Variants in PTAR1 observed in about 807,000 individuals in gnomAD.
The protein encoded by PTAR1 is protein prenyltransferase alpha subunit repeat-containing protein 1.
In PTAR1, 17 loss-of-function variants were observed where a neutral mutation model predicts 45.5. The ratio of observed to expected loss-of-function variants is 0.37; its 90% CI spans 0.26 to 0.56. The LOEUF is 0.56. PTAR1 is among the 20% of genes least tolerant of loss of function. PTAR1 has a pLI of 0.77. For missense variants in PTAR1, 391 were observed against 476.3 expected (o/e 0.82, Z 1.67); for synonymous variants, 169 against 171.3 (o/e 0.99, Z 0.11).
At chr9:69,751,650 G>T (rs1437235482) in intron 1 of PTAR1, among the ~76,000 whole-genome samples, 1 of 151,914 alleles carries the variant, frequency 6.6e-6, no homozygotes, top group Admixed American at 6.6e-5. Context: ...GTCAACAAAT[G>T]TGTTTATGCT....
intron 2 of PTAR1, among the ~76,000 whole-genome samples, chr9:69,748,821 A>G (rs774937546): frequency 3.3e-5 from 5 of 152,080 alleles, no homozygotes; most frequent in Admixed American, 2.6e-4. Context: ...TTATTTTCAG[A>G]TATCTTTTTC....
intron 5 of PTAR1, among the ~76,000 whole-genome samples, chr9:69,727,375 G>C (rs968857330): frequency 6.6e-6 from 1 of 151,908 alleles, no homozygotes; most frequent in African/African-American, 2.4e-5. Flanking sequence ...AGTTCAACTT[G>C]TTTAGAGTCC....
chr9:69,734,220 T>C lies in PTAR1; in HGVS notation c.358A>G (p.Ile120Val), dbSNP rs1259912871. 1.1e-5 allele frequency: 17 copies of C among 1,554,052 alleles called. No homozygotes were observed. The highest frequency in any genetic ancestry group is 1.5e-5 in the Non-Finnish European group (17 of 1,140,252). The change falls in exon 4 of 8, where the codon ATT becomes GTT. Residue 120 changes from isoleucine (I) to valine (V), a missense_variant. Coordinates refer to ENST00000340434, the MANE Select transcript of PTAR1 (RefSeq NM_001099666.2). ...AGTTTTCCCAGATGTAAATCCTTAA[T>C]TGGATTTAAAGTGCCAGAGAGGATC... Reference protein sequence around the residue: ...ELILSGTLNPIKDLHLGKLAL... With the variant: ...ELILSGTLNPVKDLHLGKLAL...
intron 3 of PTAR1, 28 bp from the exon 4 acceptor site, chr9:69,734,282 AAAAT>A: frequency 2.8e-6 from 3 of 1,090,752 alleles, no homozygotes; most frequent in East Asian, 2.6e-5. Flanking sequence ...AAAAAAAAAA[AAAAT>A]TAAACATTAC....
Position 69,750,839 on chromosome 9 carries a change from T to G in PTAR1, c.198A>C (p.Pro66=). Residue 66 remains proline, a synonymous_variant, in exon 2 of 8, where the codon CCA becomes CCC. Transcript: ENST00000340434. ...VESWCVKFLL[P]YVHNKLLLYR... ...ACAAAAGGAGCTTGTTGTGGACATA[T>G]GGTAAAAGGAACTTGACACACCAGC... The G allele has an allele frequency of 6.2e-7, 1 of 1,611,672 alleles. No homozygotes were observed. Among genetic ancestry groups the G allele is most frequent in the East Asian group, 2.2e-5 (1 of 44,840 alleles).
chr9:69,759,802 C>A, intron 1 of PTAR1, 51 bp downstream of exon 1: 6 of 1,324,612 alleles, frequency 4.5e-6, no homozygotes, highest in Non-Finnish European at 6.1e-6. Context: ...CTTGGCCCCG[C>A]CCCCGCCCGC....
At chr9:69,750,156 G>A (rs1363429323) in intron 2 of PTAR1, among the ~76,000 whole-genome samples, 1 of 151,832 alleles carries the variant, frequency 6.6e-6, no homozygotes, top group Non-Finnish European at 1.5e-5. Context: ...CAGATGGAAT[G>A]ATTAGGGATT....
rs369090916 is a variant in PTAR1 at position 69,747,214 on chromosome 9, C to T, written c.256+3567G>A. 2.6e-5 allele frequency among the ~76,000 whole-genome samples: 4 copies of T among 152,208 alleles called. No homozygotes were observed. In the East Asian group the frequency reaches 5.8e-4, roughly 22 times the overall value. On this transcript the variant is annotated intron_variant, in intron 2 of 7. Coordinates refer to ENST00000340434, the MANE Select transcript of PTAR1 (RefSeq NM_001099666.2). Reference sequence around the variant, plus strand: ...CCAGCCAGGAAAAAGGTTGTTTAATCAGCTAAAATACAGTGTGACAAGTGA... The same window carrying T: ...CCAGCCAGGAAAAAGGTTGTTTAATTAGCTAAAATACAGTGTGACAAGTGA...
intron 2 of PTAR1, among the ~76,000 whole-genome samples, chr9:69,743,446 AT>A (rs1347200676): frequency 6.6e-6 from 1 of 152,186 alleles, no homozygotes; most frequent in Non-Finnish European, 1.5e-5. Flanking sequence ...AAAATCAATT[AT>A]TTTATTCTAT....
At position 69,752,533 on chromosome 9, in the gene PTAR1, G is replaced by A. The variant is rs143177842; in HGVS notation, c.87-1583C>T. 2.3e-3 allele frequency among the ~76,000 whole-genome samples: 343 copies of A among 152,102 alleles called. 5 individuals are homozygous for A. Among genetic ancestry groups the A allele is most frequent in the African/African-American group, 7.7e-3 (321 of 41,542 alleles). On this transcript the variant is annotated intron_variant, in intron 1 of 7. Transcript: ENST00000340434. Reference sequence around the variant, plus strand: ...GGTTTTTATCCTTACAATTGGTTCCGTTGACTCAAAGGTGTTTTGATATAC... The same window carrying A: ...GGTTTTTATCCTTACAATTGGTTCCATTGACTCAAAGGTGTTTTGATATAC...
At chr9:69,744,358 T>C (rs1283867135) in intron 2 of PTAR1, among the ~76,000 whole-genome samples, 4 of 151,192 alleles carry the variant, frequency 2.6e-5, no homozygotes, top group Non-Finnish European at 4.4e-5. Context: ...CTAACCTACC[T>C]AGTTGGAAAA....
chr9:69,732,595 T>C (rs1825591421), intron 4 of PTAR1, among the ~76,000 whole-genome samples: 1 of 151,904 alleles, frequency 6.6e-6, no homozygotes, highest in African/African-American at 2.4e-5. Flanking sequence ...CTTTAAAATC[T>C]GTAATACAGA....
rs1446176615 is a variant in PTAR1, at chr9:69,714,962, A to T, written c.*3380T>A. On this transcript the variant is annotated 3_prime_UTR_variant, in exon 8 of 8. Transcript: ENST00000340434. ...GAGAAGCATAAAATGATATGTGCAC[A>T]GGTACAGATCAGTAAGTCACTGAAA... is the stretch of plus-strand genomic sequence containing the variant. 6.6e-6 allele frequency: 1 copy of T among 152,122 alleles called. No homozygotes were observed. The highest frequency in any genetic ancestry group is 1.5e-5 in the Non-Finnish European group (1 of 68,008). 9.4% of individuals were successfully genotyped at this position (152,122 alleles called of 1,614,324 possible).
intron 3 of PTAR1, among the ~76,000 whole-genome samples, chr9:69,736,513 C>T (rs1854685): frequency 0.41 from 62,232 of 151,926 alleles, 13,065 homozygotes; most frequent in East Asian, 0.49. Flanking sequence ...GCCAAGATCG[C>T]GCCACTGCAC....
In PTAR1 at chr9:69,732,074, G is replaced by A. The variant is rs144429136; in HGVS notation, c.642+65C>T. The stretch of plus-strand genomic sequence containing the variant: ...ACTCCTTCAAAGCTCTTCTGAGAAT[G>A]AACTACTACCAGAAGATTTTAAGGG... On this transcript the variant is annotated intron_variant, in intron 5 of 7. Coordinates refer to ENST00000340434, the MANE Select transcript of PTAR1 (RefSeq NM_001099666.2). 2.2e-3 allele frequency: 2,516 copies of A among 1,151,710 alleles called. 38 individuals carry two copies. In the African/African-American group the frequency reaches 0.035, roughly 16 times the overall value. 71.3% of individuals were successfully genotyped at this position (1,151,710 alleles called of 1,614,324 possible).
Position 69,747,585 on chromosome 9 carries a change from ACT to A in PTAR1, c.256+3194_256+3195del, listed in dbSNP as rs1377821535. On this transcript the variant is annotated intron_variant, in intron 2 of 7. Transcript: ENST00000340434. The stretch of plus-strand genomic sequence containing the variant: ...AATTTGACAAGAAGTATCAACTAAC[ACT>A]CTGCCGCAGTGTCTCAAGAGCTTGA... Among the ~76,000 whole-genome samples, 4 of 152,192 alleles carry A rather than the reference ACT, an allele frequency of 2.6e-5. No homozygotes were observed. The East Asian group carries it at 5.8e-4, about 22-fold the overall frequency.
intron 2 of PTAR1, 74 bp downstream of exon 2, chr9:69,750,707 C>G: frequency 9.4e-7 from 1 of 1,061,278 alleles, no homozygotes; most frequent in Non-Finnish European, 1.3e-6. Context: ...TGCTGACACT[C>G]AGAGAAGGGC....
At chr9:69,741,558 C>T (rs2134137615) in intron 3 of PTAR1, 1 of 496,230 alleles carries the variant, frequency 2.0e-6, no homozygotes, top group South Asian at 2.7e-5. Context: ...ATGTATCAAA[C>T]AGTATACTGT....
Position 69,759,991 on chromosome 9 carries a change from G to A in PTAR1, c.-53C>T, listed in dbSNP as rs1252751608. On this transcript the variant is annotated 5_prime_UTR_variant, in exon 1 of 8. Coordinates refer to ENST00000340434, the MANE Select transcript of PTAR1 (RefSeq NM_001099666.2). ...GCGCCTCCGCGTGAGCCGGGCCGCC[G>A]GCGGGAGTTCCGCGGAGAACGAGCG... The A allele has an allele frequency of 2.9e-6, 4 of 1,395,128 alleles. No individual in the cohort carries two copies. Among genetic ancestry groups the A allele is most frequent in the Non-Finnish European group, 3.8e-6 (4 of 1,062,806 alleles). The allele number at this position is 1,395,128 out of a possible 1,614,324, so 86.4% of individuals were successfully genotyped here.
Sources: gnomAD v4.1 joint callset for allele counts (sites outside exome capture counted in the v4.1 genomes callset) on GRCh38, gnomAD v4.1.1 for gene constraint, MANE v1.5 for transcripts, NCBI Gene and HGNC (gene_info 2026-07-23, HGNC 2026-07-21) for gene names.